Variants in SHISA9 observed in about 807,000 individuals in gnomAD.
The protein encoded by SHISA9 is shisa family member 9, also known as protein shisa-9.
A neutral mutation model predicts 38.0 loss-of-function variants in SHISA9; 13 were observed. The ratio of observed to expected loss-of-function variants is 0.34; its 90% CI spans 0.22 to 0.54. The LOEUF (loss-of-function observed/expected upper bound fraction) is 0.54, where lower values mean the gene tolerates loss of function less well. Among genes scored for constraint, SHISA9 ranks in the 20% least tolerant of loss-of-function variants. SHISA9 has a pLI of 0.91. For missense variants in SHISA9, 538 were observed against 575.8 expected, an observed-to-expected ratio of 0.93 and a Z score of 0.67; for synonymous variants, 275 against 242.0, an observed-to-expected ratio of 1.14 and a Z score of -1.27.
chr16:13,509,891 C>T, the SHISA9 span, among the ~76,000 whole-genome samples: 2 of 152,190 alleles, frequency 1.3e-5, no homozygotes, highest in Non-Finnish European at 2.9e-5. Flanking sequence ...CAAGTGACCT[C>T]TCTAAGCCTC....
intron 2 of SHISA9, among the ~76,000 whole-genome samples, chr16:13,076,029 A>ATTT (rs35313169): frequency 4.4e-5 from 6 of 135,498 alleles, no homozygotes; most frequent in Admixed American, 1.5e-4. Flanking sequence ...TGAGAAATAG[A>ATTT]TTTTTTTTTT....
At chr16:13,184,647 C>T (rs2142034407) in intron 2 of SHISA9, among the ~76,000 whole-genome samples, 1 of 152,314 alleles carries the variant, frequency 6.6e-6, no homozygotes, top group African/African-American at 2.4e-5. Context: ...CTGGCAGCCA[C>T]TGCTCTGTCT....
chr16:13,062,293 C>G (rs7185415), intron 2 of SHISA9, among the ~76,000 whole-genome samples: 56,604 of 152,008 alleles, frequency 0.37, 10,724 homozygotes, highest in Middle Eastern at 0.5. Context: ...TCACCTGACT[C>G]CGTGCACACT....
At chr16:13,118,238 G>A (rs1404999197) in intron 2 of SHISA9, among the ~76,000 whole-genome samples, 1 of 150,674 alleles carries the variant, frequency 6.6e-6, no homozygotes, top group Non-Finnish European at 1.5e-5. Flanking sequence ...ACATTCACCA[G>A]TAATACAGTC....
In SHISA9 at chr16:12,913,770, C is replaced by A. The variant is rs181519130; in HGVS notation, c.564-2918C>A. Among the ~76,000 whole-genome samples, 33 of 152,234 alleles carry A rather than the reference C, an allele frequency of 2.2e-4. No individual in the cohort carries two copies. The East Asian group carries it at 5.8e-3, about 27-fold the overall frequency. On this transcript the variant is annotated intron_variant, in intron 1 of 4. Coordinates refer to ENST00000558583, the MANE Select transcript of SHISA9 (RefSeq NM_001145204.3). ...ATCAATGGAATCATACAATGTGTGG[C>A]CTTTTGTATCTGGCCTCTTTCACGG...
the SHISA9 span, among the ~76,000 whole-genome samples, chr16:13,321,847 C>G: frequency 6.6e-6 from 1 of 152,110 alleles, no homozygotes; most frequent in Non-Finnish European, 1.5e-5. Context: ...GATCTTTGAA[C>G]AAACACTTAG....
At chr16:13,325,330 GTC>G in the SHISA9 span, among the ~76,000 whole-genome samples, 1 of 152,188 alleles carries the variant, frequency 6.6e-6, no homozygotes, top group African/African-American at 2.4e-5. Context: ...TGTTTTGTCA[GTC>G]TTAAGATCTC....
the SHISA9 span, among the ~76,000 whole-genome samples, chr16:13,451,332 G>C: frequency 6.6e-6 from 1 of 152,302 alleles, no homozygotes; most frequent in Admixed American, 6.5e-5. Context: ...CCCTGACTCA[G>C]CGTCTGCTTT....
the SHISA9 span, among the ~76,000 whole-genome samples, chr16:13,461,623 A>AT: frequency 0.2 from 21,220 of 106,908 alleles, 2,539 homozygotes; most frequent in East Asian, 0.49. Context: ...TTTTTTTTTA[A>AT]TTTTTTTTTT....
chr16:12,985,219 C>T (rs963726787), intron 2 of SHISA9, among the ~76,000 whole-genome samples: 38 of 142,956 alleles, frequency 2.7e-4, no homozygotes, highest in Admixed American at 3.5e-4. Context: ...TATCTGTCAA[C>T]GAAAAATAAA....
intron 2 of SHISA9, among the ~76,000 whole-genome samples, chr16:12,977,981 T>A (rs563901800): frequency 4.9e-4 from 74 of 151,490 alleles, no homozygotes; most frequent in South Asian, 2.1e-3. Flanking sequence ...CTTAAAATTT[T>A]AAAAAAAAGA....
chr16:13,346,088 T>C, the SHISA9 span, among the ~76,000 whole-genome samples: 1 of 152,204 alleles, frequency 6.6e-6, no homozygotes, highest in Non-Finnish European at 1.5e-5. Context: ...ACCCATTAAG[T>C]AATTTCTCAT....
intron 2 of SHISA9, among the ~76,000 whole-genome samples, chr16:13,202,611 C>T (rs1246337615): frequency 5.0e-5 from 4 of 80,414 alleles, no homozygotes; most frequent in African/African-American, 2.2e-4. Flanking sequence ...AGAAACTGTT[C>T]AAGTTTTCCT....
intron 2 of SHISA9, among the ~76,000 whole-genome samples, chr16:13,011,409 C>T (rs556883303): frequency 6.8e-6 from 1 of 147,532 alleles, no homozygotes; most frequent in East Asian, 2.1e-4. Flanking sequence ...CCACAGTTCT[C>T]ATGTTTAGAT....
intron 2 of SHISA9, among the ~76,000 whole-genome samples, chr16:12,952,872 A>G (rs1256188505): frequency 6.6e-6 from 1 of 152,024 alleles, no homozygotes; most frequent in African/African-American, 2.4e-5. Flanking sequence ...CAACTAATAC[A>G]TTGTCCTCCT....
chr16:13,506,087 TA>T, the SHISA9 span, among the ~76,000 whole-genome samples: 1 of 152,192 alleles, frequency 6.6e-6, no homozygotes, highest in East Asian at 1.9e-4. Flanking sequence ...AAGAATTAGC[TA>T]AACCCCAGAT....
chr16:13,043,845 C>T (rs967292643), intron 2 of SHISA9, among the ~76,000 whole-genome samples: 22 of 152,210 alleles, frequency 1.4e-4, no homozygotes, highest in Admixed American at 1.4e-3. Flanking sequence ...GCCATCTCTC[C>T]CAGTGGATCT....
intron 2 of SHISA9, among the ~76,000 whole-genome samples, chr16:13,172,530 C>G (rs1391819699): frequency 1.3e-5 from 2 of 152,196 alleles, no homozygotes; most frequent in Admixed American, 6.5e-5. Flanking sequence ...ACTATTTCCT[C>G]TCTGTGTCAC....
chr16:13,469,023 AT>A, the SHISA9 span, among the ~76,000 whole-genome samples: 73 of 151,768 alleles, frequency 4.8e-4, no homozygotes, highest in African/African-American at 1.7e-3. Context: ...CAGGTGGATC[AT>A]TTGAGGTCAG....
Sources: allele counts gnomAD v4.1 joint callset (sites outside exome capture counted in the v4.1 genomes callset), GRCh38; gene constraint gnomAD v4.1.1; transcripts MANE v1.5; gene names NCBI Gene and HGNC (gene_info 2026-07-23, HGNC 2026-07-21).